Variants in COPS4 observed in about 807,000 individuals in gnomAD.
The protein encoded by COPS4 is COP9 signalosome complex subunit 4.
COPS4 carries 8 observed loss-of-function variants against 55.1 expected under a neutral mutation model. That is an observed-to-expected ratio of 0.15 (90% confidence interval 0.09 to 0.26). COPS4 has a LOEUF of 0.26. COPS4 is among the 10% of genes least tolerant of loss of function. The probability of loss-of-function intolerance (pLI) is 1.00; values close to 1 mark genes in which losing one functional copy is unlikely to be tolerated. For synonymous variants in COPS4, 185 were observed against 165.7 expected, an observed-to-expected ratio of 1.12 and a Z score of -0.90; for missense variants, 248 against 484.0, an observed-to-expected ratio of 0.51 and a Z score of 4.58.
intron 2 of COPS4, among the ~76,000 whole-genome samples, chr4:83,046,987 T>A (rs891237851): frequency 1.3e-5 from 2 of 152,212 alleles, no homozygotes; most frequent in African/African-American, 4.8e-5. Flanking sequence ...CTAATGACAC[T>A]TGTAATGAAA....
chr4:83,060,879 A>G (rs1731149385), intron 6 of COPS4, among the ~76,000 whole-genome samples: 1 of 151,584 alleles, frequency 6.6e-6, no homozygotes, highest in South Asian at 2.1e-4. Context: ...TACTGAAAAT[A>G]CAAAATTAGC....
At chr4:83,046,512 A>G (rs1730720231) in intron 2 of COPS4, among the ~76,000 whole-genome samples, 1 of 152,236 alleles carries the variant, frequency 6.6e-6, no homozygotes, top group South Asian at 2.1e-4. Context: ...TGCTATTCAC[A>G]ATAAGGAAGG....
intron 6 of COPS4, among the ~76,000 whole-genome samples, chr4:83,060,089 A>G (rs1731123281): frequency 6.6e-6 from 1 of 152,134 alleles, no homozygotes; most frequent in African/African-American, 2.4e-5. Context: ...ATTCAGCCTC[A>G]CACAGATGTG....
chr4:83,063,743 C>T (rs539315520), intron 7 of COPS4, among the ~76,000 whole-genome samples: 8 of 147,976 alleles, frequency 5.4e-5, no homozygotes, highest in Non-Finnish European at 1.2e-4. Context: ...GAGTTTTACT[C>T]TTGTCGCCCA....
intron 9 of COPS4, among the ~76,000 whole-genome samples, chr4:83,072,814 C>A (rs1480146849): frequency 6.6e-6 from 1 of 152,140 alleles, no homozygotes; most frequent in African/African-American, 2.4e-5. Context: ...TGGTAATAAA[C>A]AAATTTATAA....
At chr4:83,061,711 CTTT>C (rs74267635) in intron 6 of COPS4, among the ~76,000 whole-genome samples, 2 of 142,150 alleles carry the variant, frequency 1.4e-5, no homozygotes, top group Non-Finnish European at 1.5e-5. Flanking sequence ...TAGATTATGT[CTTT>C]TTTTTTTTTT....
intron 4 of COPS4, among the ~76,000 whole-genome samples, chr4:83,052,449 G>A (rs1730911052): frequency 6.6e-6 from 1 of 152,130 alleles, no homozygotes; most frequent in South Asian, 2.1e-4. Flanking sequence ...GCTGTCCTGT[G>A]TATTGCAGGA....
At chr4:83,070,535 T>C (rs1314347926) in intron 9 of COPS4, among the ~76,000 whole-genome samples, 1 of 152,198 alleles carries the variant, frequency 6.6e-6, no homozygotes, top group Non-Finnish European at 1.5e-5. Context: ...ATCCTTGGGC[T>C]CAAACCATCC....
intron 1 of COPS4, among the ~76,000 whole-genome samples, chr4:83,044,781 CA>C (rs1730663828): frequency 6.6e-6 from 1 of 150,972 alleles, no homozygotes. Flanking sequence ...TCTTCAAAAA[CA>C]ACAACAACAA....
intron 9 of COPS4, among the ~76,000 whole-genome samples, chr4:83,072,320 G>A (rs1731455630): frequency 6.6e-6 from 1 of 151,116 alleles, no homozygotes; most frequent in Non-Finnish European, 1.5e-5. Flanking sequence ...GCCTGGTCTT[G>A]AACTCCCAAC....
At chr4:83,074,759 G>A (rs1228326188) in intron 9 of COPS4, among the ~76,000 whole-genome samples, 1 of 151,654 alleles carries the variant, frequency 6.6e-6, no homozygotes, top group Non-Finnish European at 1.5e-5. Flanking sequence ...GCCTGCCTCG[G>A]CCTCCCAAAA....
At chr4:83,070,920 A>G (rs796346923) in intron 9 of COPS4, among the ~76,000 whole-genome samples, 19 of 152,180 alleles carry the variant, frequency 1.2e-4, no homozygotes, top group African/African-American at 1.9e-4. Flanking sequence ...TTTCTCTTGC[A>G]TAAGTCTTCT....
chr4:83,057,544 T>A, intron 6 of COPS4, 136 bp downstream of exon 6: 1 of 609,612 alleles, frequency 1.6e-6, no homozygotes, highest in African/African-American at 1.9e-5. Flanking sequence ...GTAAATGTAG[T>A]TTAAGTGTTT....
intron 9 of COPS4, 99 bp from the exon 10 acceptor site, chr4:83,075,198 T>C: frequency 9.5e-7 from 1 of 1,055,398 alleles, no homozygotes; most frequent in South Asian, 1.6e-5. Flanking sequence ...AACATGCCTC[T>C]TCCAAGAATA....
At chr4:83,036,656 C>T (rs953307276) in intron 1 of COPS4, among the ~76,000 whole-genome samples, 4 of 152,060 alleles carry the variant, frequency 2.6e-5, no homozygotes, top group African/African-American at 9.7e-5. Flanking sequence ...ATAGAAAGTG[C>T]GGTAAGATTG....
chr4:83,071,935 C>T (rs546199318), intron 9 of COPS4, among the ~76,000 whole-genome samples: 4 of 152,200 alleles, frequency 2.6e-5, no homozygotes, highest in African/African-American at 9.6e-5. Context: ...TGGTCTTGAT[C>T]TCATGACCTC....
intron 4 of COPS4, among the ~76,000 whole-genome samples, chr4:83,053,480 G>T (rs1022997687): frequency 6.6e-6 from 1 of 152,036 alleles, no homozygotes; most frequent in Non-Finnish European, 1.5e-5. Context: ...TGGTTTGGAG[G>T]GCACAGTGGG....
At chr4:83,069,100 C>A (rs1334279882) in intron 9 of COPS4, among the ~76,000 whole-genome samples, 4 of 152,054 alleles carry the variant, frequency 2.6e-5, no homozygotes, top group Admixed American at 2.0e-4. Context: ...GACCACATAC[C>A]ATGTATCAGG....
At chr4:83,050,460 G>C (rs1393145481) in intron 4 of COPS4, among the ~76,000 whole-genome samples, 4 of 152,076 alleles carry the variant, frequency 2.6e-5, no homozygotes, top group African/African-American at 9.7e-5. Context: ...ACCACACCTG[G>C]CTATTTTTGT....
Sources: allele counts gnomAD v4.1 joint callset (sites outside exome capture counted in the v4.1 genomes callset), GRCh38; gene constraint gnomAD v4.1.1; transcripts MANE v1.5; gene names NCBI Gene and HGNC (gene_info 2026-07-23, HGNC 2026-07-21).